Variants in CFAP96 observed in about 807,000 individuals in gnomAD.
CFAP96 encodes the protein cilia and flagella associated protein 96, also known as cilia-and flagella-associated protein 96.
chr4:185,431,079 G>T, the CFAP96 span, among the ~76,000 whole-genome samples: 1 of 151,922 alleles, frequency 6.6e-6, no homozygotes, highest in Non-Finnish European at 1.5e-5. Context: ...CCATGGTGGT[G>T]CACACCTGTA....
the CFAP96 span, chr4:185,436,137 G>A: frequency 2.6e-6 from 4 of 1,550,956 alleles, no homozygotes; most frequent in African/African-American, 4.1e-5. Flanking sequence ...CAAGGCACCT[G>A]GAAAGAATTT....
chr4:185,431,905 A>G, the CFAP96 span: 12 of 1,191,972 alleles, frequency 1.0e-5, no homozygotes, highest in Non-Finnish European at 1.4e-5. Context: ...TCATATTTGG[A>G]AATTGTTATC....
the CFAP96 span, among the ~76,000 whole-genome samples, chr4:185,436,700 A>G: frequency 1.8e-5 from 2 of 108,798 alleles, no homozygotes; most frequent in African/African-American, 6.4e-5. Flanking sequence ...ACAGAACGAG[A>G]CTCCGTCTCA....
chr4:185,443,342 A>ATATATATAT, the CFAP96 span, among the ~76,000 whole-genome samples: 4 of 26,726 alleles, frequency 1.5e-4, no homozygotes, highest in African/African-American at 3.5e-4. Flanking sequence ...ATATATATAT[A>ATATATATAT]TTTTTTTTTT....
chr4:185,436,775 A>C, the CFAP96 span, among the ~76,000 whole-genome samples: 1 of 150,912 alleles, frequency 6.6e-6, no homozygotes, highest in Non-Finnish European at 1.5e-5. Context: ...GTTTTGTTCT[A>C]TCTATTTGTA....
chr4:185,429,380 C>A, the CFAP96 span: 1 of 1,320,036 alleles, frequency 7.6e-7, no homozygotes, highest in Non-Finnish European at 1.0e-6. Flanking sequence ...TTGAAGTTAG[C>A]GGTATAGAGA....
At chr4:185,443,226 A>G in the CFAP96 span, among the ~76,000 whole-genome samples, 1 of 148,322 alleles carries the variant, frequency 6.7e-6, no homozygotes, top group Non-Finnish European at 1.5e-5. Context: ...TAGGTTTTCT[A>G]TCTCTTTTTG....
At chr4:185,442,418 T>C in the CFAP96 span, among the ~76,000 whole-genome samples, 58 of 152,248 alleles carry the variant, frequency 3.8e-4, 1 homozygote, top group Admixed American at 3.5e-3. Flanking sequence ...ATTTTAAGGT[T>C]CTGGTCAATA....
At chr4:185,418,732 C>T in the CFAP96 span, 1 of 1,609,356 alleles carries the variant, frequency 6.2e-7, no homozygotes, top group Non-Finnish European at 8.5e-7. Context: ...GTTGACAGGT[C>T]ACTCAACACA....
chr4:185,447,957 G>T, the CFAP96 span, among the ~76,000 whole-genome samples: 1 of 152,154 alleles, frequency 6.6e-6, no homozygotes, highest in Non-Finnish European at 1.5e-5. Flanking sequence ...AGTTTTCCAA[G>T]CCTACTATGT....
At chr4:185,427,732 C>A in the CFAP96 span, among the ~76,000 whole-genome samples, 1 of 149,628 alleles carries the variant, frequency 6.7e-6, no homozygotes, top group East Asian at 1.9e-4. Context: ...TGCATTCCAG[C>A]CTGGGCGACA....
chr4:185,428,194 C>G, the CFAP96 span, among the ~76,000 whole-genome samples: 3 of 152,002 alleles, frequency 2.0e-5, no homozygotes, highest in Admixed American at 6.6e-5. Context: ...ATAATTGGTG[C>G]TTTAAAAACT....
At chr4:185,431,910 GTTATC>G in the CFAP96 span, 2 of 1,233,120 alleles carry the variant, frequency 1.6e-6, no homozygotes, top group Non-Finnish European at 1.1e-6. Flanking sequence ...TTTGGAAATT[GTTATC>G]TTATTTTTCA....
the CFAP96 span, chr4:185,432,153 A>G: frequency 1.9e-6 from 3 of 1,551,812 alleles, no homozygotes; most frequent in South Asian, 1.2e-5. Flanking sequence ...GAAGCAGCCA[A>G]AAAAAATCTA....
the CFAP96 span, chr4:185,426,080 G>T: frequency 5.0e-6 from 3 of 604,666 alleles, no homozygotes; most frequent in Non-Finnish European, 9.0e-6. Context: ...ACTTATGTTT[G>T]GTAAATTCTA....
chr4:185,436,093 T>A, the CFAP96 span: 3 of 1,551,324 alleles, frequency 1.9e-6, no homozygotes, highest in Non-Finnish European at 2.6e-6. Flanking sequence ...CCAGTCCCAT[T>A]TTTCAGCGCA....
the CFAP96 span, among the ~76,000 whole-genome samples, chr4:185,426,753 C>T: frequency 1.3e-5 from 2 of 151,920 alleles, no homozygotes; most frequent in South Asian, 4.1e-4. Flanking sequence ...AGTGGCGGGC[C>T]GGGCGCGGTG....
chr4:185,426,819 C>G, the CFAP96 span, among the ~76,000 whole-genome samples: 2 of 147,838 alleles, frequency 1.4e-5, no homozygotes, highest in Non-Finnish European at 3.0e-5. Flanking sequence ...ATCACCTGCG[C>G]TCACGAGTTC....
chr4:185,441,416 A>G, the CFAP96 span, among the ~76,000 whole-genome samples: 4 of 150,812 alleles, frequency 2.7e-5, no homozygotes, highest in African/African-American at 9.7e-5. Context: ...TAAGGGTACT[A>G]GTCTTGTTTT....
Sources: gnomAD v4.1 joint callset for allele counts (sites outside exome capture counted in the v4.1 genomes callset) on GRCh38, gnomAD v4.1.1 for gene constraint, MANE v1.5 for transcripts, NCBI Gene and HGNC (gene_info 2026-07-23, HGNC 2026-07-21) for gene names.